Variants in MAML3 observed in about 807,000 individuals in gnomAD.
MAML3 encodes the protein mastermind like transcriptional coactivator 3.
MAML3 carries 27 observed loss-of-function variants against 101.9 expected under a neutral mutation model. The ratio of observed to expected loss-of-function variants is 0.27; its 90% confidence interval spans 0.20 to 0.37. The LOEUF (loss-of-function observed/expected upper bound fraction) is 0.37. Ranked by LOEUF, MAML3 falls within the 10% of genes least tolerant of loss-of-function variation. The probability of loss-of-function intolerance (pLI) is 1.00; values close to 1 mark genes in which losing one functional copy is unlikely to be tolerated. For synonymous variants in MAML3, 501 were observed against 555.9 expected (o/e 0.90, Z 1.39); for missense variants, 1,316 against 1,444.9 (o/e 0.91, Z 1.45).
At chr4:139,769,041 G>A (rs1349282955) in intron 2 of MAML3, among the ~76,000 whole-genome samples, 1 of 152,214 alleles carries the variant, frequency 6.6e-6, no homozygotes, top group Non-Finnish European at 1.5e-5. Context: ...ACAACAAGGT[G>A]TTTAGGAAGA....
chr4:140,031,517 C>T lies in MAML3; in HGVS notation c.468+121343G>A, dbSNP rs151310770. Among the ~76,000 whole-genome samples the T allele has an allele frequency of 3.2e-3, 494 of 152,214 alleles. 4 individuals are homozygous for T. Among genetic ancestry groups the T allele is most frequent in the African/African-American group, 0.01 (422 of 41,522 alleles). On this transcript the variant is annotated intron_variant, in intron 1 of 4. Coordinates refer to ENST00000509479, the MANE Select transcript of MAML3 (RefSeq NM_018717.5). ...GGATAGACAACAAACCCTATGAGCC[C>T]GTCACATCTCCTTCACTGAAATTTT...
intron 1 of MAML3, among the ~76,000 whole-genome samples, chr4:140,069,387 G>GAAGA: frequency 4.0e-5 from 2 of 49,964 alleles, no homozygotes; most frequent in African/African-American, 7.1e-5. Flanking sequence ...GAAGAAGAAG[G>GAAGA]AGGAGGAGGA....
chr4:139,949,169 C>T lies in MAML3; in HGVS notation c.469-58202G>A, dbSNP rs578163447. On this transcript the variant is annotated intron_variant, in intron 1 of 4. Coordinates refer to ENST00000509479, the MANE Select transcript of MAML3 (RefSeq NM_018717.5). ...TAGCTGGGACTACAGGCACGCGGCA[C>T]GACACCCAGCTAATTTTTTTGTATT... is the stretch of plus-strand genomic sequence containing the variant. Among the ~76,000 whole-genome samples, 35 of 152,204 alleles carry T rather than the reference C, an allele frequency of 2.3e-4. 1 individual carries two copies. Among genetic ancestry groups the T allele is most frequent in the Non-Finnish European group, 3.7e-4 (25 of 68,018 alleles).
At chr4:140,144,970 G>C (rs570139694) in intron 1 of MAML3, among the ~76,000 whole-genome samples, 1 of 152,234 alleles carries the variant, frequency 6.6e-6, no homozygotes, top group Non-Finnish European at 1.5e-5. Flanking sequence ...AACAAACAAA[G>C]AAAAATAACC....
At chr4:139,870,104 G>A (rs770796166) in intron 2 of MAML3, among the ~76,000 whole-genome samples, 3 of 152,318 alleles carry the variant, frequency 2.0e-5, no homozygotes, top group Middle Eastern at 3.4e-3. Flanking sequence ...CACATAAAGC[G>A]CTCCATGAAT....
chr4:139,876,589 C>A (rs1347866743), intron 2 of MAML3, among the ~76,000 whole-genome samples: 3 of 152,256 alleles, frequency 2.0e-5, no homozygotes, highest in Non-Finnish European at 2.9e-5. Flanking sequence ...CTGGCCCCAG[C>A]AAGAGCACAC....
chr4:139,967,863 A>G (rs1250298961), intron 1 of MAML3, among the ~76,000 whole-genome samples: 2 of 151,540 alleles, frequency 1.3e-5, no homozygotes, highest in Non-Finnish European at 2.9e-5. Flanking sequence ...TTCCCAACAG[A>G]CACCCCCACA....
At chr4:140,051,521 C>T (rs548907738) in intron 1 of MAML3, among the ~76,000 whole-genome samples, 3 of 150,888 alleles carry the variant, frequency 2.0e-5, no homozygotes, top group South Asian at 2.1e-4. Context: ...CGAGCTACTG[C>T]ACTCCAGCCT....
intron 2 of MAML3, chr4:139,794,103 A>G (rs1166870355): frequency 6.6e-6 from 1 of 152,262 alleles, no homozygotes; most frequent in Non-Finnish European, 1.5e-5. Flanking sequence ...TATCAAAAGA[A>G]GATTACACTG....
At chr4:140,034,498 G>T (rs62345561) in intron 1 of MAML3, among the ~76,000 whole-genome samples, 49,122 of 152,058 alleles carry the variant, frequency 0.32, 8,601 homozygotes, top group Non-Finnish European at 0.37. Context: ...AGGATCAGAA[G>T]GAAAGGCTGG....
intron 2 of MAML3, among the ~76,000 whole-genome samples, chr4:139,772,203 G>A (rs1273643713): frequency 5.5e-5 from 6 of 108,362 alleles, no homozygotes; most frequent in African/African-American, 1.8e-4. Context: ...TCGCGCCACT[G>A]CACTCCAGCC....
At chr4:139,928,235 A>G (rs1733306158) in intron 1 of MAML3, among the ~76,000 whole-genome samples, 1 of 152,214 alleles carries the variant, frequency 6.6e-6, no homozygotes, top group African/African-American at 2.4e-5. Context: ...AGATAGTTAC[A>G]TTTCATAATA....
intron 1 of MAML3, among the ~76,000 whole-genome samples, chr4:139,943,873 T>TTTTTTTTTTTTTTTTTG: frequency 7.4e-6 from 1 of 134,324 alleles, no homozygotes; most frequent in Non-Finnish European, 1.6e-5. Flanking sequence ...ACTTTTTTTT[T>TTTTTTTTTTTTTTTTTG]TTTTTTTTTT....
intron 2 of MAML3, among the ~76,000 whole-genome samples, chr4:139,846,912 G>A (rs1347012912): frequency 2.6e-5 from 4 of 152,188 alleles, no homozygotes; most frequent in African/African-American, 9.7e-5. Context: ...ATAGCACAAA[G>A]GTGGGGAAAA....
chr4:140,140,188 G>C (rs1313823605), intron 1 of MAML3, among the ~76,000 whole-genome samples: 3 of 152,110 alleles, frequency 2.0e-5, no homozygotes, highest in Non-Finnish European at 4.4e-5. Flanking sequence ...GCCGGGCATG[G>C]TGGCACGCAC....
At chr4:139,932,945 GGTCT>G in intron 1 of MAML3, among the ~76,000 whole-genome samples, 1 of 152,096 alleles carries the variant, frequency 6.6e-6, no homozygotes, top group South Asian at 2.1e-4. Context: ...AAATGAGCTT[GGTCT>G]GTCAGCTTCT....
At chr4:140,140,471 C>A (rs1728962408) in intron 1 of MAML3, among the ~76,000 whole-genome samples, 1 of 152,098 alleles carries the variant, frequency 6.6e-6, no homozygotes, top group Admixed American at 6.5e-5. Context: ...ACAGAAGGCA[C>A]CTGGCTATCT....
chr4:139,828,286 T>G (rs911246921), intron 2 of MAML3, among the ~76,000 whole-genome samples: 1 of 152,092 alleles, frequency 6.6e-6, no homozygotes, highest in Non-Finnish European at 1.5e-5. Context: ...AGCCTGAGCT[T>G]CTTAAAAAGC....
chr4:140,095,202 G>C (rs1377050848), intron 1 of MAML3, among the ~76,000 whole-genome samples: 3 of 152,162 alleles, frequency 2.0e-5, no homozygotes, highest in Non-Finnish European at 4.4e-5. Context: ...TGCCTGAATA[G>C]GAAGAACCTC....
Sources: allele counts gnomAD v4.1 joint callset (sites outside exome capture counted in the v4.1 genomes callset), GRCh38; gene constraint gnomAD v4.1.1; transcripts MANE v1.5; gene names NCBI Gene and HGNC (gene_info 2026-07-23, HGNC 2026-07-21).